PCDHA10: variants seen among roughly 807,000 people sequenced by gnomAD.
PCDHA10 encodes the protein protocadherin alpha-10.
In PCDHA10, 45 loss-of-function variants were observed where a neutral mutation model predicts 61.2. The ratio of observed to expected loss-of-function variants is 0.74; its 90% confidence interval spans 0.58 to 0.94. The LOEUF (loss-of-function observed/expected upper bound fraction) is 0.94, where lower values mean the gene tolerates loss of function less well. Ranked by LOEUF, PCDHA10 falls within the 40% of genes least tolerant of loss-of-function variation. PCDHA10 has a pLI of 0.00. For missense variants in PCDHA10, 1,278 were observed against 1,236.2 expected, an observed-to-expected ratio of 1.03 and a Z score of -0.51; for synonymous variants, 602 against 548.8, an observed-to-expected ratio of 1.10 and a Z score of -1.35.
At position 140,979,295 on chromosome 5, in the gene PCDHA10, C is replaced by A. The variant is rs180999093; in HGVS notation, c.2447+288C>A. Among the ~76,000 whole-genome samples, 27 of 152,270 alleles carry A rather than the reference C, an allele frequency of 1.8e-4. 1 individual carries two copies. The highest frequency in any genetic ancestry group is 4.1e-4 in the African/African-American group (17 of 41,558). ...TTCTACAGGGAAGTAATTTCAACCT[C>A]CTTCATCCCTCTCTACCTATGCTTT... On this transcript the variant is annotated intron_variant, in intron 2 of 3. Coordinates refer to ENST00000307360, the MANE Select transcript of PCDHA10 (RefSeq NM_018901.4).
chr5:141,001,020 TATA>T (rs539315208), intron 3 of PCDHA10, among the ~76,000 whole-genome samples: 5 of 152,250 alleles, frequency 3.3e-5, no homozygotes, highest in Non-Finnish European at 5.9e-5. Context: ...GATATACACT[TATA>T]ATAATAGCTT....
intron 1 of PCDHA10, among the ~76,000 whole-genome samples, chr5:140,937,096 G>T (rs1173485186): frequency 4.1e-5 from 6 of 146,810 alleles, no homozygotes; most frequent in African/African-American, 1.5e-4. Context: ...GGAGTGCAGT[G>T]GCGCAGTCTC....
At chr5:140,870,611 T>C in intron 1 of PCDHA10, 1 of 1,613,258 alleles carries the variant, frequency 6.2e-7, no homozygotes, top group Non-Finnish European at 8.5e-7. Flanking sequence ...GACCGCGCGC[T>C]GTCGAGCTAC....
At chr5:140,875,888 A>G (rs782107591) in intron 1 of PCDHA10, 3 of 1,614,076 alleles carry the variant, frequency 1.9e-6, no homozygotes, top group Non-Finnish European at 2.5e-6. Context: ...AGGGAACAAA[A>G]GGTACCTGTT....
intron 3 of PCDHA10, among the ~76,000 whole-genome samples, chr5:140,993,460 T>TCA (rs1554253699): frequency 1.6e-3 from 169 of 104,560 alleles, no homozygotes; most frequent in African/African-American, 3.8e-3. Flanking sequence ...CTTCTTTCTT[T>TCA]CTCACACACA....
At chr5:140,897,227 CA>C (rs1408350956) in intron 1 of PCDHA10, among the ~76,000 whole-genome samples, 2 of 152,036 alleles carry the variant, frequency 1.3e-5, no homozygotes, top group African/African-American at 2.4e-5. Context: ...TACATGTGCA[CA>C]ATGTGCAGGT....
intron 1 of PCDHA10, among the ~76,000 whole-genome samples, chr5:140,888,814 T>C (rs1052564071): frequency 6.6e-6 from 1 of 152,126 alleles, no homozygotes; most frequent in Non-Finnish European, 1.5e-5. Context: ...TGATCTGTGA[T>C]CTGTGATCAC....
chr5:140,976,378 C>A (rs908008970), intron 1 of PCDHA10, among the ~76,000 whole-genome samples: 2 of 151,926 alleles, frequency 1.3e-5, no homozygotes, highest in Non-Finnish European at 2.9e-5. Flanking sequence ...TGGTGAAACC[C>A]CATCTCTACT....
At chr5:140,889,347 T>A (rs531486529) in intron 1 of PCDHA10, among the ~76,000 whole-genome samples, 1 of 152,202 alleles carries the variant, frequency 6.6e-6, no homozygotes, top group South Asian at 2.1e-4. Context: ...GTGGGAATAT[T>A]TCTGATTACT....
intron 3 of PCDHA10, among the ~76,000 whole-genome samples, chr5:140,988,127 C>T (rs1285717954): frequency 2.0e-5 from 3 of 152,120 alleles, no homozygotes; most frequent in African/African-American, 7.2e-5. Flanking sequence ...GCATGCTGTT[C>T]CACTAACCTG....
At chr5:140,984,612 G>T (rs2097111075) in intron 3 of PCDHA10, among the ~76,000 whole-genome samples, 1 of 152,026 alleles carries the variant, frequency 6.6e-6, no homozygotes, top group Admixed American at 6.6e-5. Flanking sequence ...CTGCATCAGT[G>T]GTGTAAAGTT....
chr5:140,884,547 C>G, intron 1 of PCDHA10: 1 of 1,614,214 alleles, frequency 6.2e-7, no homozygotes, highest in East Asian at 2.2e-5. Context: ...AGGGTGTGCT[C>G]TGGGGAGGGC....
At chr5:140,877,838 A>G (rs1395855806) in intron 1 of PCDHA10, 16 of 1,583,236 alleles carry the variant, frequency 1.0e-5, no homozygotes, top group Non-Finnish European at 1.4e-5. Flanking sequence ...CCTCCCAGTG[A>G]AGTAAGTTAT....
At position 140,982,527 on chromosome 5, in the gene PCDHA10, G is replaced by A. The variant is rs2096986081; in HGVS notation, c.2500G>A (p.Asp834Asn). ...TCTACGGGCTGGTCCAGGAGGGCCT[G>A]ATCAGCAGTGGCCAACAGTATCCAG... is the stretch of plus-strand genomic sequence containing the variant. ...GILRAGPGGP[D>N]QQWPTVSSAT... is the part of the protein sequence containing the mutation. Residue 834 changes from aspartate to asparagine, a missense_variant, in exon 3 of 4, where the codon GAT becomes AAT. By Grantham distance (23) the Asp-to-Asn change is conservative. Coordinates refer to ENST00000307360, the MANE Select transcript of PCDHA10 (RefSeq NM_018901.4). 1 of 1,614,218 alleles carries A rather than the reference G, an allele frequency of 6.2e-7. No individual in the cohort carries two copies. Among genetic ancestry groups the A allele is most frequent in the Admixed American group, 1.7e-5 (1 of 60,034 alleles).
chr5:140,982,663 A>G (rs2096995052), intron 3 of PCDHA10, 100 bp downstream of exon 3: 5 of 1,473,648 alleles, frequency 3.4e-6, no homozygotes, highest in Admixed American at 2.6e-5. Context: ...TTTTTCTTTT[A>G]TATTTTTGTT....
chr5:140,858,328 G>A lies in PCDHA10; in HGVS notation c.2280G>A (p.Glu760=), dbSNP rs782462952. The A allele has an allele frequency of 3.1e-6, 5 of 1,596,534 alleles. No individual in the cohort carries two copies. Among genetic ancestry groups the A allele is most frequent in the East Asian group, 2.2e-5 (1 of 44,842 alleles). Residue 760 remains glutamate, a synonymous_variant, in exon 1 of 4, where the codon GAG becomes GAA. Coordinates refer to ENST00000307360, the MANE Select transcript of PCDHA10 (RefSeq NM_018901.4). The stretch of plus-strand genomic sequence containing the variant: ...GGCGGCAGAGGGTGTGTTCTGGGGA[G>A]GGCCTGCCCAAGGCGGACCTCATGG... ...QQRRQRVCSG[E]GLPKADLMAF... is the part of the protein sequence containing the mutation.
intron 1 of PCDHA10, chr5:140,877,885 T>C: frequency 1.4e-6 from 2 of 1,463,874 alleles, no homozygotes; most frequent in Non-Finnish European, 1.8e-6. Flanking sequence ...CTTGAAGAAC[T>C]TCCGTTTAGG....
At chr5:140,902,861 G>A (rs782302668) in intron 1 of PCDHA10, among the ~76,000 whole-genome samples, 21 of 152,088 alleles carry the variant, frequency 1.4e-4, no homozygotes, top group Admixed American at 5.2e-4. Context: ...TGGCGTCCAG[G>A]TCCACCCAAG....
chr5:140,989,889 C>T (rs1220430844), intron 3 of PCDHA10, among the ~76,000 whole-genome samples: 3 of 151,522 alleles, frequency 2.0e-5, no homozygotes, highest in Admixed American at 6.6e-5. Flanking sequence ...TTGGAGTCTC[C>T]GTTATTCACA....
Sources: allele counts gnomAD v4.1 joint callset (sites outside exome capture counted in the v4.1 genomes callset), GRCh38; gene constraint gnomAD v4.1.1; transcripts MANE v1.5; gene names NCBI Gene and HGNC (gene_info 2026-07-23, HGNC 2026-07-21).